PPM1M: variants seen among roughly 807,000 people sequenced by gnomAD.
PPM1M encodes protein phosphatase, Mg2+/Mn2+ dependent 1M, also known as protein phosphatase 1M.
In PPM1M, 44 loss-of-function variants were observed where a neutral mutation model predicts 50.8. That is an observed-to-expected ratio of 0.87 (90% CI 0.68 to 1.11). The LOEUF is 1.11. Ranked by LOEUF, PPM1M falls within the 50% of genes most tolerant of loss-of-function variation. The pLI, the probability that PPM1M is intolerant of heterozygous loss-of-function variation, is 0.00. For synonymous variants in PPM1M, 224 were observed against 242.9 expected (o/e 0.92, Z 0.72); for missense variants, 556 against 593.4 (o/e 0.94, Z 0.66).
Position 52,247,029 on chromosome 3 carries a change from C to G in PPM1M, c.398C>G (p.Ala133Gly), listed in dbSNP as rs562720345. Residue 133 changes from alanine to glycine, a missense_variant, in exon 3 of 10, where the codon GCC becomes GGC. Ala to Gly is a moderately conservative substitution (Grantham distance 60, BLOSUM62 0). Coordinates refer to ENST00000323588, the MANE Select transcript of PPM1M (RefSeq NM_144641.4). ...LFDGHGGPAA[A>G]ILAANTLHSC... ...GATGGGCACGGCGGTCCTGCAGCAG[C>G]CATCTTGGCTGCCAACACCCTGCAC... is the stretch of plus-strand genomic sequence containing the variant. 104 of 1,551,512 alleles carry G rather than the reference C, an allele frequency of 6.7e-5. 1 individual carries two copies. The East Asian group carries it at 1.0e-3, about 15-fold the overall frequency.
In PPM1M at chr3:52,246,751, T is replaced by A; in HGVS notation, c.281T>A (p.Leu94Gln). ...FNEDQAACGK[L>Q]CIRRCEFGAE... is the part of the protein sequence containing the mutation. The stretch of plus-strand genomic sequence containing the variant: ...GAGGATCAAGCCGCCTGTGGGAAGC[T>A]GTGCATCCGGAGATGTGAGTTTGGG... The change falls in exon 2 of 10, where the codon CTG (leucine) becomes CAG (glutamine). Residue 94 changes from leucine to glutamine, a missense_variant. Physicochemically the swap from Leu to Gln is moderately radical, Grantham distance 113. Coordinates refer to ENST00000323588, the MANE Select transcript of PPM1M (RefSeq NM_144641.4). 7.5e-7 allele frequency: 1 copy of A among 1,333,136 alleles called. No individual in the cohort carries two copies. The highest frequency in any genetic ancestry group is 9.9e-7 in the Non-Finnish European group (1 of 1,008,130). 82.6% of individuals were successfully genotyped at this position (1,333,136 alleles called of 1,614,324 possible).
intron 1 of PPM1M, 106 bp from the exon 2 acceptor site, chr3:52,246,589 T>C: frequency 1.6e-6 from 1 of 630,440 alleles, no homozygotes; most frequent in African/African-American, 1.9e-5. Context: ...ACTGGGGAGC[T>C]GTTGCCCCAG....
At position 52,245,997 on chromosome 3, in the gene PPM1M, T is replaced by G. The variant is rs2107313906; in HGVS notation, c.173T>G (p.Val58Gly). The change falls in exon 1 of 10, where the codon GTG (valine) becomes GGG (glycine). Residue 58 changes from valine (V) to glycine (G), a missense_variant. Coordinates refer to ENST00000323588, the MANE Select transcript of PPM1M (RefSeq NM_144641.4). The surrounding 1 kb of genome is among the most constrained non-coding windows in gnomAD (Gnocchi z 4.8). ...TCGCGCCGCCCAGACTCCCGGCCCG[T>G]GCGCAGCCCCGCACGAGGACGCACG... ...DASRRPDSRPVRSPARGRTLP... is the reference protein window; with the variant it reads ...DASRRPDSRPGRSPARGRTLP... 8.1e-7 allele frequency: 1 copy of G among 1,238,366 alleles called. No homozygotes were observed. The highest frequency in any genetic ancestry group is 1.3e-5 in the South Asian group (1 of 74,840). 76.7% of individuals were successfully genotyped at this position (1,238,366 alleles called of 1,614,324 possible). A position where few individuals can be genotyped will look rare whatever the true frequency, so the allele number is the denominator to read the frequency against.
Position 52,247,065 on chromosome 3 carries a change from GC to G in PPM1M, c.436del (p.Arg146GlyfsTer43). 6.4e-7 allele frequency: 1 copy of G among 1,565,310 alleles called. No homozygotes were observed. Among genetic ancestry groups the G allele is most frequent in the East Asian group, 2.4e-5 (1 of 41,988 alleles). ...GCCAACACCCTGCACTCCTGCTTGC[GC>G]CGGCAGCTGGAGGCCGTGGTGGAAG... ...LAANTLHSCLRRQLEAVVEGL... is the reference protein window; with the variant it reads ...LAANTLHSCLXRQLEAVVEGL... On this transcript the variant is annotated frameshift_variant, in exon 3 of 10. Transcript: ENST00000323588. LOFTEE classifies it high-confidence loss of function.
At chr3:52,246,929 G>C (rs1699867195) in intron 2 of PPM1M, 45 bp from the exon 3 acceptor site, 1 of 1,524,306 alleles carries the variant, frequency 6.6e-7, no homozygotes, top group Non-Finnish European at 8.8e-7. Context: ...CAGGGGACAA[G>C]TGGGGAAGTC....
Position 52,245,878 on chromosome 3 carries a change from G to A in PPM1M, c.54G>A (p.Ala18=), listed in dbSNP as rs1484304129. 2.7e-6 allele frequency: 3 copies of A among 1,098,370 alleles called. No homozygotes were observed. Among genetic ancestry groups the A allele is most frequent in the Non-Finnish European group, 3.4e-6 (3 of 891,232 alleles). 68.0% of individuals were successfully genotyped at this position (1,098,370 alleles called of 1,614,324 possible). A position where few individuals can be genotyped will look rare whatever the true frequency, so the allele number is the denominator to read the frequency against. Residue 18 remains alanine (A), a synonymous_variant, in exon 1 of 10, where the codon GCG becomes GCA. Coordinates refer to ENST00000323588, the MANE Select transcript of PPM1M (RefSeq NM_144641.4). This position sits in a 1 kb window ranked among gnomAD's most constrained non-coding sequence, Gnocchi z 4.8. ...TCCTGCCTGGGGAGCCGCTCCCCGC[G>A]CCGCGGCCGCCTGGGCCGCATGCCA... ...RRFLPGEPLP[A]PRPPGPHASP...
Position 52,246,820 on chromosome 3 carries a change from C to G in PPM1M, c.342+8C>G. 1 of 1,429,646 alleles carries G rather than the reference C, an allele frequency of 7.0e-7. No individual in the cohort carries two copies. Among genetic ancestry groups the G allele is most frequent in the Non-Finnish European group, 9.3e-7 (1 of 1,069,916 alleles). 88.6% of individuals were successfully genotyped at this position (1,429,646 alleles called of 1,614,324 possible). On this transcript the variant is annotated splice_region_variant and intron_variant, in intron 2 of 9. Coordinates refer to ENST00000323588, the MANE Select transcript of PPM1M (RefSeq NM_144641.4). ...ACCCTGTGCCCAGAGGAGGTGAGTG[C>G]AGTCTGAGTTCTTGGCTGGAATCCC...
At chr3:52,248,821 G>C in intron 7 of PPM1M, 121 bp downstream of exon 7, 1 of 1,330,848 alleles carries the variant, frequency 7.5e-7, no homozygotes, top group South Asian at 1.2e-5. Context: ...TCTGAGACTA[G>C]GAATTTTCTC....
chr3:52,247,350 G>T lies in PPM1M; in HGVS notation c.597+122G>T, dbSNP rs1699877440. On this transcript the variant is annotated intron_variant, in intron 3 of 9. Coordinates refer to ENST00000323588, the MANE Select transcript of PPM1M (RefSeq NM_144641.4). ...TCCTTGGATTGGGAGGATGAGATTG[G>T]GTTGGTTGGATTGTTACTAACAGCC... is the stretch of plus-strand genomic sequence containing the variant. The T allele has an allele frequency of 2.1e-6, 3 of 1,404,388 alleles. No homozygotes were observed. In the Admixed American group the frequency reaches 7.1e-5, roughly 33 times the overall value. The allele number at this position is 1,404,388 out of a possible 1,614,324, so 87.0% of individuals were successfully genotyped here. A position where few individuals can be genotyped will look rare whatever the true frequency, so the allele number is the denominator to read the frequency against.
Position 52,246,685 on chromosome 3 carries a change from C to G in PPM1M, c.225-10C>G. The G allele has an allele frequency of 1.5e-6, 2 of 1,303,102 alleles. No homozygotes were observed. The highest frequency in any genetic ancestry group is 2.0e-6 in the Non-Finnish European group (2 of 987,454). 80.7% of individuals were successfully genotyped at this position (1,303,102 alleles called of 1,614,324 possible). On this transcript the variant is annotated splice_polypyrimidine_tract_variant and intron_variant, in intron 1 of 9. Coordinates refer to ENST00000323588, the MANE Select transcript of PPM1M (RefSeq NM_144641.4). ...TCCCTGGAGGGTCGCTTACCATTTCCCGGCCTCAGGATTATCAATGCAGAG... is the reference window on the plus strand; with the variant it reads ...TCCCTGGAGGGTCGCTTACCATTTCGCGGCCTCAGGATTATCAATGCAGAG...
At position 52,249,961 on chromosome 3, in the gene PPM1M, A is replaced by C; in HGVS notation, c.*147A>C. The C allele has an allele frequency of 2.0e-4, 134 of 686,574 alleles. No individual in the cohort carries two copies. Among genetic ancestry groups the C allele is most frequent in the Non-Finnish European group, 2.6e-4 (107 of 406,864 alleles). The allele number at this position is 686,574 out of a possible 1,614,324, so 42.5% of individuals were successfully genotyped here. ...ATCCACCTCAACACACATCCATCTC[A>C]AGAGGAACATTTATACCAGGCAGTC... On this transcript the variant is annotated 3_prime_UTR_variant, in exon 10 of 10. Coordinates refer to ENST00000323588, the MANE Select transcript of PPM1M (RefSeq NM_144641.4).
At chr3:52,246,635 C>A in intron 1 of PPM1M, 60 bp from the exon 2 acceptor site, 1 of 1,144,716 alleles carries the variant, frequency 8.7e-7, no homozygotes, top group Non-Finnish European at 1.2e-6. Context: ...GCTTGGGTCC[C>A]TGTGCCCATG....
In PPM1M at chr3:52,247,073, CTGGAGGCCGTGG is replaced by C; in HGVS notation, c.447_458del (p.Ala150_Glu153del). 1 of 1,573,524 alleles carries C rather than the reference CTGGAGGCCGTGG, an allele frequency of 6.4e-7. No individual in the cohort carries two copies. Among genetic ancestry groups the C allele is most frequent in the Non-Finnish European group, 8.6e-7 (1 of 1,159,432 alleles). On this transcript the variant is annotated inframe_deletion, in exon 3 of 10. Transcript: ENST00000323588. ...CCTGCACTCCTGCTTGCGCCGGCAG[CTGGAGGCCGTGG>C]TGGAAGGCTTGGTGGCCACTCAGCC...
At position 52,249,837 on chromosome 3, in the gene PPM1M, A is replaced by T. The variant is rs1447002646; in HGVS notation, c.*23A>T. The T allele has an allele frequency of 1.2e-6, 2 of 1,603,004 alleles. No homozygotes were observed. Among genetic ancestry groups the T allele is most frequent in the African/African-American group, 2.7e-5 (2 of 74,758 alleles). On this transcript the variant is annotated 3_prime_UTR_variant, in exon 10 of 10. Transcript: ENST00000323588. ...TGAGGATTCAGACACTGTATCCCAG[A>T]ACTGCTCTAGTGCCCGGGTGTGGTC...
chr3:52,249,685 C>T lies in PPM1M; in HGVS notation c.1251C>T (p.Ala417=). Residue 417 remains alanine, a synonymous_variant, in exon 10 of 10, where the codon GCC becomes GCT. Transcript: ENST00000323588. ...GTCTTCACAGGTTCTCAAAGCTGGC[C>T]CAGATGCTGATACACAGCACACAGG... is the stretch of plus-strand genomic sequence containing the variant. ...QEDPHRFSKL[A]QMLIHSTQGK... The T allele has an allele frequency of 6.2e-7, 1 of 1,613,854 alleles. No individual in the cohort carries two copies. The highest frequency in any genetic ancestry group is 8.5e-7 in the Non-Finnish European group (1 of 1,179,850).
At chr3:52,248,753 A>G in intron 7 of PPM1M, 53 bp downstream of exon 7, 1 of 1,575,280 alleles carries the variant, frequency 6.3e-7, no homozygotes, top group East Asian at 2.2e-5. Context: ...TGTCCCCTGC[A>G]GAGGTGGGAG....
chr3:52,246,004 C>T lies in PPM1M; in HGVS notation c.180C>T (p.Ser60=), dbSNP rs1309432151. ...SRRPDSRPVR[S]PARGRTLPWN... Reference sequence around the variant, plus strand: ...GCCCAGACTCCCGGCCCGTGCGCAGCCCCGCACGAGGACGCACGCTACCCT... The same window carrying T: ...GCCCAGACTCCCGGCCCGTGCGCAGTCCCGCACGAGGACGCACGCTACCCT... The change falls in exon 1 of 10, where the codon AGC becomes AGT. Residue 60 remains serine (S), a synonymous_variant. Coordinates refer to ENST00000323588, the MANE Select transcript of PPM1M (RefSeq NM_144641.4). The T allele has an allele frequency of 4.0e-6, 5 of 1,234,990 alleles. No individual in the cohort carries two copies. Among genetic ancestry groups the T allele is most frequent in the Non-Finnish European group, 5.2e-6 (5 of 963,076 alleles). The allele number at this position is 1,234,990 out of a possible 1,614,324, so 76.5% of individuals were successfully genotyped here.
chr3:52,245,804 G>A lies in PPM1M; in HGVS notation c.-21G>A. The stretch of plus-strand genomic sequence containing the variant: ...AGCCCTAGCGCCCCGCGCTCCGCGG[G>A]CAGCCCCCTGCCGCCGCGCCATGTC... On this transcript the variant is annotated 5_prime_UTR_variant, in exon 1 of 10. Coordinates refer to ENST00000323588, the MANE Select transcript of PPM1M (RefSeq NM_144641.4). This position sits in a 1 kb window ranked among gnomAD's most constrained non-coding sequence, Gnocchi z 4.8. The A allele has an allele frequency of 4.0e-6, 4 of 1,004,332 alleles. No individual in the cohort carries two copies. The highest frequency in any genetic ancestry group is 5.0e-4 in the Middle Eastern group (1 of 1,986). 62.2% of individuals were successfully genotyped at this position (1,004,332 alleles called of 1,614,324 possible).
chr3:52,249,939 C>A lies in PPM1M; in HGVS notation c.*125C>A. The A allele has an allele frequency of 2.6e-6, 2 of 776,896 alleles. No individual in the cohort carries two copies. The highest frequency in any genetic ancestry group is 4.2e-6 in the Non-Finnish European group (2 of 478,960). The allele number at this position is 776,896 out of a possible 1,614,324, so 48.1% of individuals were successfully genotyped here. ...GCCACCGCCCAGTGCTCTCACTATC[C>A]ACCTCAACACACATCCATCTCAAGA... On this transcript the variant is annotated 3_prime_UTR_variant, in exon 10 of 10. Transcript: ENST00000323588.
Sources: gnomAD v4.1 joint callset for allele counts on GRCh38, gnomAD v4.1.1 for gene constraint, Gnocchi (gnomAD v3.1) non-coding constraint, MANE v1.5 for transcripts, NCBI Gene and HGNC (gene_info 2026-07-23, HGNC 2026-07-21) for gene names.